The following TSBP1 variants were observed in gnomAD, a reference collection of about 807,000 sequenced individuals.
TSBP1 encodes the protein testis expressed basic protein 1.
TSBP1 carries 56 observed loss-of-function variants against 68.8 expected under a neutral mutation model. That is an observed-to-expected ratio of 0.81 (90% CI 0.66 to 1.02). The LOEUF (loss-of-function observed/expected upper bound fraction) is 1.02. Ranked by LOEUF, TSBP1 falls within the 50% of genes least tolerant of loss-of-function variation. TSBP1 has a pLI of 0.00. For missense variants in TSBP1, 502 were observed against 641.2 expected, an observed-to-expected ratio of 0.78 and a Z score of 2.34; for synonymous variants, 171 against 208.7, an observed-to-expected ratio of 0.82 and a Z score of 1.56.
chr6:32,339,088 T>C (rs756521221), intron 10 of TSBP1, 89 bp from the exon 12 acceptor site: 2 of 1,057,120 alleles, frequency 1.9e-6, no homozygotes, highest in Non-Finnish European at 3.0e-6. Flanking sequence ...ATTTACTACA[T>C]ATTTGATTTA....
intron 7 of TSBP1, 110 bp from the exon 8 acceptor site, chr6:32,355,254 GC>G (rs1290837213): frequency 9.2e-7 from 1 of 1,092,840 alleles, no homozygotes; most frequent in Non-Finnish European, 1.4e-6. Context: ...TAAAGTCTAG[GC>G]CCCGGGAGTC....
intron 14 of TSBP1, 115 bp from the exon 16 acceptor site, chr6:32,332,169 T>C (rs1445204241): frequency 1.6e-5 from 12 of 759,800 alleles, no homozygotes; most frequent in Non-Finnish European, 2.6e-5. Flanking sequence ...GGAAGTGATA[T>C]CAGTTATGAG....
chr6:32,324,765 T>C, intron 16 of TSBP1: 1 of 1,517,982 alleles, frequency 6.6e-7, no homozygotes, highest in Non-Finnish European at 8.9e-7. Context: ...AATTTACTAG[T>C]GATATACTTG....
intron 4 of TSBP1, among the ~76,000 whole-genome samples, chr6:32,366,632 G>A (rs1246063011): frequency 5.9e-5 from 9 of 151,926 alleles, no homozygotes; most frequent in Admixed American, 5.9e-4. Context: ...CGGGCATGGT[G>A]GCAGGTGCCT....
intron 22 of TSBP1, among the ~76,000 whole-genome samples, chr6:32,297,760 T>C (rs1363282267): frequency 2.6e-5 from 4 of 152,126 alleles, no homozygotes; most frequent in Non-Finnish European, 5.9e-5. Flanking sequence ...ACCTCCTTTT[T>C]CTAAAAATAT....
At position 32,343,840 on chromosome 6, in the gene TSBP1, TTTCTG is replaced by T. The variant is rs755341521; in HGVS notation, c.350-4207_350-4203del. ...ACCATCTTCCCTCTCCAACATTTTG[TTTCTG>T]TTCTTTTTGTTCAGCTCTAAAATGT... is the stretch of plus-strand genomic sequence containing the variant. On this transcript the variant is annotated intron_variant, in intron 9 of 22. Coordinates refer to ENST00000612031, the Ensembl canonical transcript of TSBP1. The surrounding 1 kb of genome is among the most constrained non-coding windows in gnomAD (Gnocchi z 4.3). Among the ~76,000 whole-genome samples, 4 of 152,202 alleles carry T rather than the reference TTTCTG, an allele frequency of 2.6e-5. No homozygotes were observed. Among genetic ancestry groups the T allele is most frequent in the Non-Finnish European group, 5.9e-5 (4 of 68,038 alleles).
intron 22 of TSBP1, among the ~76,000 whole-genome samples, chr6:32,297,178 A>G (rs1340070088): frequency 6.6e-6 from 1 of 152,158 alleles, no homozygotes. Context: ...GATAGTTCAT[A>G]CATCTTTTCC....
intron 6 of TSBP1, among the ~76,000 whole-genome samples, chr6:32,364,654 G>T (rs1773457645): frequency 6.6e-6 from 1 of 151,532 alleles, no homozygotes; most frequent in Non-Finnish European, 1.5e-5. Flanking sequence ...TATTGTTTGT[G>T]TTGTCTTGTA....
chr6:32,332,056 TA>T lies in TSBP1; in HGVS notation c.473-3del. The T allele has an allele frequency of 6.3e-7, 1 of 1,595,170 alleles. No homozygotes were observed. Among genetic ancestry groups the T allele is most frequent in the Non-Finnish European group, 8.6e-7 (1 of 1,163,836 alleles). On this transcript the variant is annotated splice_region_variant and splice_polypyrimidine_tract_variant and intron_variant, in intron 14 of 22. Transcript: ENST00000612031. Reference sequence around the variant, plus strand: ...TACCAATAGGTCCTGGAGTTTGCACTAAAAAGAAATTCAAATTGGCATATTA... The same window carrying T: ...TACCAATAGGTCCTGGAGTTTGCACTAAAAGAAATTCAAATTGGCATATTA...
chr6:32,366,546 G>A (rs895591734), intron 4 of TSBP1: 17 of 461,542 alleles, frequency 3.7e-5, no homozygotes, highest in South Asian at 3.4e-4. Flanking sequence ...GGTGGATCAC[G>A]AGGTCAGGAG....
chr6:32,369,973 C>T (rs758060282), exon 2 of TSBP1: 1 of 1,611,214 alleles, frequency 6.2e-7, no homozygotes, highest in Non-Finnish European at 8.5e-7. Flanking sequence ...GGATGACAGC[C>T]AAAGTTATTT....
rs1249158405 is a variant in TSBP1, at chr6:32,304,655, A to G, written c.581-2026T>C. ...GCTAATAGTTAAAGGTTACTAATTTATGTTCTCTCTTCATCGTCTTTTTTG... is the reference window on the plus strand; with the variant it reads ...GCTAATAGTTAAAGGTTACTAATTTGTGTTCTCTCTTCATCGTCTTTTTTG... On this transcript the variant is annotated intron_variant, in intron 19 of 22. Coordinates refer to ENST00000612031, the Ensembl canonical transcript of TSBP1. This position sits in a 1 kb window ranked among gnomAD's most constrained non-coding sequence, Gnocchi z 4.8. Among the ~76,000 whole-genome samples the G allele has an allele frequency of 2.6e-5, 4 of 152,156 alleles. No homozygotes were observed. Among genetic ancestry groups the G allele is most frequent in the Non-Finnish European group, 4.4e-5 (3 of 68,018 alleles).
At chr6:32,344,873 G>T (rs4576281) in intron 9 of TSBP1, among the ~76,000 whole-genome samples, 18 of 150,544 alleles carry the variant, frequency 1.2e-4, no homozygotes, top group East Asian at 2.0e-4. Flanking sequence ...GGGCTGGGGT[G>T]GGGGGGACAG....
Position 32,362,984 on chromosome 6 carries a change from C to T in TSBP1, c.217+3183G>A, listed in dbSNP as rs147657535. Among the ~76,000 whole-genome samples the T allele has an allele frequency of 2.3e-3, 357 of 152,086 alleles. 4 individuals are homozygous for T. The highest frequency in any genetic ancestry group is 7.5e-3 in the Admixed American group (115 of 15,272). ...TTGTCAATAATGGGTTACTGAAGTCCGCTACGGTTATTATATTGCTGTTTC... is the reference window on the plus strand; with the variant it reads ...TTGTCAATAATGGGTTACTGAAGTCTGCTACGGTTATTATATTGCTGTTTC... On this transcript the variant is annotated intron_variant, in intron 6 of 22. Transcript: ENST00000612031.
chr6:32,348,030 A>G (rs116054853), intron 9 of TSBP1, among the ~76,000 whole-genome samples: 3,083 of 152,346 alleles, frequency 0.02, 87 homozygotes, highest in African/African-American at 0.064. Context: ...TAATCATAGT[A>G]GGAATTATCT....
In TSBP1 at chr6:32,316,407, C is replaced by A; in HGVS notation, c.560-615G>T. 2 of 1,560,042 alleles carry A rather than the reference C, an allele frequency of 1.3e-6. No individual in the cohort carries two copies. The highest frequency in any genetic ancestry group is 1.7e-6 in the Non-Finnish European group (2 of 1,150,866). Reference sequence around the variant, plus strand: ...TGTAATACTTACTTATAGGTGCTGCCAGCTGACCTAAAAAAATTAGATATC... The same window carrying A: ...TGTAATACTTACTTATAGGTGCTGCAAGCTGACCTAAAAAAATTAGATATC... On this transcript the variant is annotated intron_variant, in intron 18 of 22. Transcript: ENST00000612031. The surrounding 1 kb of genome is among the most constrained non-coding windows in gnomAD (Gnocchi z 4.5).
chr6:32,346,501 G>A (rs1441598404), intron 9 of TSBP1, among the ~76,000 whole-genome samples: 1 of 151,926 alleles, frequency 6.6e-6, no homozygotes, highest in Non-Finnish European at 1.5e-5. Flanking sequence ...TTCTCCAAAC[G>A]TTTTCTTCAC....
chr6:32,346,011 T>TCCTCATCTTAAGGATGCTTATTATCA (rs1268210715), intron 9 of TSBP1, among the ~76,000 whole-genome samples: 25 of 48,546 alleles, frequency 5.1e-4, no homozygotes, highest in Admixed American at 1.3e-3. Flanking sequence ...TCATTTTTTT[T>TCCTCATCTTAAGGATGCTTATTATCA]TTTTTTTTTT....
intron 22 of TSBP1, 141 bp downstream of exon 25, chr6:32,299,780 AC>A (rs1268700042): frequency 2.9e-6 from 2 of 694,000 alleles, no homozygotes; most frequent in Non-Finnish European, 5.1e-6. Context: ...GCGGGGGGGA[AC>A]CTTGGAAGTT....
Sources: allele counts gnomAD v4.1 joint callset (sites outside exome capture counted in the v4.1 genomes callset), GRCh38; gene constraint gnomAD v4.1.1; non-coding constraint Gnocchi (gnomAD v3.1); transcripts MANE v1.5; gene names NCBI Gene and HGNC (gene_info 2026-07-23, HGNC 2026-07-21).